FARP1: variants seen among roughly 807,000 people sequenced by gnomAD.
FARP1 encodes the protein FERM, ARHGEF and pleckstrin domain-containing protein 1.
FARP1 carries 52 observed loss-of-function variants against 128.8 expected under a neutral mutation model. That is an observed-to-expected ratio of 0.40 (90% CI 0.32 to 0.51). FARP1 has a LOEUF of 0.51. Among genes scored for constraint, FARP1 ranks in the 20% least tolerant of loss-of-function variants. FARP1 has a pLI of 0.45. For synonymous variants in FARP1, 580 were observed against 551.8 expected, an observed-to-expected ratio of 1.05 and a Z score of -0.72; for missense variants, 1,333 against 1,367.9, an observed-to-expected ratio of 0.97 and a Z score of 0.40.
intron 2 of FARP1, among the ~76,000 whole-genome samples, chr13:98,237,096 G>T (rs1423251350): frequency 1.3e-5 from 2 of 152,080 alleles, no homozygotes; most frequent in Non-Finnish European, 2.9e-5. Flanking sequence ...CTTGAAGTCA[G>T]GAGTTCAAGA....
intron 3 of FARP1, among the ~76,000 whole-genome samples, chr13:98,353,154 C>T (rs1888505252): frequency 6.6e-6 from 1 of 152,034 alleles, no homozygotes; most frequent in South Asian, 2.1e-4. Flanking sequence ...GTGGTTTAGT[C>T]TTAAGACTAA....
At chr13:98,275,903 T>G (rs1186644081) in intron 2 of FARP1, among the ~76,000 whole-genome samples, 1 of 152,248 alleles carries the variant, frequency 6.6e-6, no homozygotes, top group Non-Finnish European at 1.5e-5. Context: ...AATGCATTTT[T>G]GAAGTGTTTT....
Position 98,439,156 on chromosome 13 carries a change from A to C in FARP1, c.2393A>C (p.Gln798Pro). The C allele has an allele frequency of 1.2e-6, 2 of 1,613,942 alleles. No homozygotes were observed. The highest frequency in any genetic ancestry group is 1.7e-6 in the Non-Finnish European group (2 of 1,179,914). ...YTSRGLTASN[Q>P]FKVHGQLPLY... ...AGCCGGGGGCTGACGGCCTCCAATC[A>C]GTTTAAAGTCCACGGGCAGCTCCCG... Residue 798 changes from glutamine (Q) to proline (P), a missense_variant, in exon 21 of 27, where the codon CAG becomes CCG. By Grantham distance (76) the Gln-to-Pro change is moderately conservative (BLOSUM62 -1). Coordinates refer to ENST00000319562, the MANE Select transcript of FARP1 (RefSeq NM_005766.4).
At chr13:98,171,112 G>T (rs1007173643) in intron 1 of FARP1, among the ~76,000 whole-genome samples, 20 of 152,222 alleles carry the variant, frequency 1.3e-4, no homozygotes, top group African/African-American at 4.8e-4. Context: ...GGAAGAAGGG[G>T]ACTGTGGAGG....
In FARP1 at chr13:98,452,957, T is replaced by C; in HGVS notation, c.*4640T>C. ...TAATAAAATAAAATAAAATGATCGC[T>C]GGAAGGAGCTGACCCTCCCCACCCA... On this transcript the variant is annotated 3_prime_UTR_variant, in exon 27 of 27. Coordinates refer to ENST00000319562, the MANE Select transcript of FARP1 (RefSeq NM_005766.4). 1 of 453,450 alleles carries C rather than the reference T, an allele frequency of 2.2e-6. No individual in the cohort carries two copies. Among genetic ancestry groups the C allele is most frequent in the African/African-American group, 2.0e-5 (1 of 49,620 alleles). The allele number at this position is 453,450 out of a possible 1,614,324, so 28.1% of individuals were successfully genotyped here. A position where few individuals can be genotyped will look rare whatever the true frequency, so the allele number is the denominator to read the frequency against.
chr13:98,264,057 G>A (rs1398378398), intron 2 of FARP1, among the ~76,000 whole-genome samples: 1 of 152,210 alleles, frequency 6.6e-6, no homozygotes, highest in Non-Finnish European at 1.5e-5. Flanking sequence ...GTGTTAGGCA[G>A]AGGGCACAAG....
chr13:98,324,424 T>C (rs1287872910), intron 2 of FARP1, among the ~76,000 whole-genome samples: 1 of 152,214 alleles, frequency 6.6e-6, no homozygotes. Flanking sequence ...GTTTTCACAT[T>C]TAATTCGTAA....
chr13:98,337,034 C>T (rs756072703), intron 2 of FARP1, among the ~76,000 whole-genome samples: 1 of 152,076 alleles, frequency 6.6e-6, no homozygotes, highest in African/African-American at 2.4e-5. Context: ...TTAGAGAGAT[C>T]TACCCCCAGC....
intron 5 of FARP1, among the ~76,000 whole-genome samples, chr13:98,370,382 G>C (rs1411550710): frequency 6.6e-6 from 1 of 152,134 alleles, no homozygotes; most frequent in Non-Finnish European, 1.5e-5. Context: ...GAGAAGGAGA[G>C]TCCCAGGGCA....
chr13:98,191,837 G>T (rs1157968350), intron 1 of FARP1, among the ~76,000 whole-genome samples: 1 of 152,220 alleles, frequency 6.6e-6, no homozygotes, highest in Non-Finnish European at 1.5e-5. Context: ...CAGCTACTCG[G>T]GAGGCTGAAG....
chr13:98,347,844 A>G (rs1207156843), intron 3 of FARP1, among the ~76,000 whole-genome samples: 1 of 152,182 alleles, frequency 6.6e-6, no homozygotes, highest in Non-Finnish European at 1.5e-5. Context: ...GGCTGTAACA[A>G]CTGGGTTCAC....
intron 14 of FARP1, among the ~76,000 whole-genome samples, chr13:98,410,055 C>G (rs1891131565): frequency 6.6e-6 from 1 of 152,212 alleles, no homozygotes; most frequent in Non-Finnish European, 1.5e-5. Flanking sequence ...CATGAGTGTC[C>G]AGGTATTTGT....
intron 5 of FARP1, among the ~76,000 whole-genome samples, chr13:98,372,087 T>C (rs1159393806): frequency 3.8e-4 from 55 of 143,198 alleles, no homozygotes; most frequent in South Asian, 1.4e-3. Context: ...TTTTCTTTTT[T>C]TTTTTTTTTT....
rs1332028997 is a variant in FARP1, at chr13:98,448,979, T to C, written c.*662T>C. On this transcript the variant is annotated 3_prime_UTR_variant, in exon 27 of 27. Coordinates refer to ENST00000319562, the MANE Select transcript of FARP1 (RefSeq NM_005766.4). ...AAGTTGACCAAATCGTTTTAAGTGG[T>C]AACTCTTTCCAACCGTAGCAGGGTT... The C allele has an allele frequency of 2.0e-5, 3 of 152,338 alleles. No individual in the cohort carries two copies. In the East Asian group the frequency reaches 5.8e-4, roughly 29 times the overall value. The allele number at this position is 152,338 out of a possible 1,614,324, so 9.4% of individuals were successfully genotyped here. A position where few individuals can be genotyped will look rare whatever the true frequency, so the allele number is the denominator to read the frequency against.
chr13:98,345,898 C>T (rs531643980), intron 3 of FARP1, among the ~76,000 whole-genome samples: 7 of 152,328 alleles, frequency 4.6e-5, no homozygotes, highest in South Asian at 2.1e-4. Context: ...AAGCCATAGT[C>T]GGCCAACGCA....
intron 2 of FARP1, among the ~76,000 whole-genome samples, chr13:98,279,846 G>A (rs1884845896): frequency 6.6e-6 from 1 of 152,184 alleles, no homozygotes; most frequent in Non-Finnish European, 1.5e-5. Context: ...TGTGGGGTAT[G>A]ACGTAGCTCA....
chr13:98,395,097 G>C (rs1890467190), intron 12 of FARP1, 130 bp from the exon 13 acceptor site: 1 of 1,079,558 alleles, frequency 9.3e-7, no homozygotes, highest in African/African-American at 1.6e-5. Flanking sequence ...AGGCCAGAGA[G>C]CTCCGGGGCA....
chr13:98,382,116 A>C (rs1274353505), intron 6 of FARP1, among the ~76,000 whole-genome samples: 1 of 151,974 alleles, frequency 6.6e-6, no homozygotes, highest in African/African-American at 2.4e-5. Flanking sequence ...AGCCCCAGGT[A>C]CTTGGGAAGC....
At chr13:98,245,190 A>G (rs764231923) in intron 2 of FARP1, 384 of 988,632 alleles carry the variant, frequency 3.9e-4, no homozygotes, top group Non-Finnish European at 4.3e-4. Flanking sequence ...CTCATTTACC[A>G]TATTACTGTG....
Sources: allele counts gnomAD v4.1 joint callset (sites outside exome capture counted in the v4.1 genomes callset), GRCh38; gene constraint gnomAD v4.1.1; transcripts MANE v1.5; gene names NCBI Gene and HGNC (gene_info 2026-07-23, HGNC 2026-07-21).